Variants in NCALD observed in about 807,000 individuals in gnomAD.
The protein encoded by NCALD is neurocalcin-delta.
NCALD carries 10 observed loss-of-function variants against 18.6 expected under a neutral mutation model. The ratio of observed to expected loss-of-function variants is 0.54; its 90% CI spans 0.33 to 0.91. The LOEUF (loss-of-function observed/expected upper bound fraction) is 0.91, where lower values mean the gene tolerates loss of function less well. NCALD is among the 40% of genes least tolerant of loss of function. The probability of loss-of-function intolerance (pLI) is 0.03; values close to 1 mark genes in which losing one functional copy is unlikely to be tolerated. For missense variants in NCALD, 184 were observed against 247.6 expected, an observed-to-expected ratio of 0.74 and a Z score of 1.72; for synonymous variants, 88 against 87.4, an observed-to-expected ratio of 1.01 and a Z score of -0.04.
chr8:101,946,709 C>A (rs566036598), intron 2 of NCALD, among the ~76,000 whole-genome samples: 2 of 148,554 alleles, frequency 1.3e-5, no homozygotes, highest in Admixed American at 1.4e-4. Flanking sequence ...GGACAATGTC[C>A]CAAAGAAACC....
chr8:102,065,010 CAA>C (rs34548051), intron 1 of NCALD, among the ~76,000 whole-genome samples: 6,620 of 87,410 alleles, frequency 0.076, 176 homozygotes, highest in Non-Finnish European at 0.1. Context: ...CTCACTTTGG[CAA>C]AAAAAAAAAA....
At chr8:101,713,446 T>C (rs560909474) in intron 2 of NCALD, among the ~76,000 whole-genome samples, 1 of 141,226 alleles carries the variant, frequency 7.1e-6, no homozygotes, top group Non-Finnish European at 1.5e-5. Context: ...CTGAAGGAGA[T>C]AGAGACACAA....
At chr8:101,913,818 G>A (rs575572134) in intron 3 of NCALD, among the ~76,000 whole-genome samples, 3 of 152,298 alleles carry the variant, frequency 2.0e-5, no homozygotes, top group East Asian at 1.9e-4. Flanking sequence ...CCAACCTCAC[G>A]TGATCTGCCT....
chr8:101,863,817 C>T (rs1281625012), intron 4 of NCALD, among the ~76,000 whole-genome samples: 3 of 152,090 alleles, frequency 2.0e-5, no homozygotes, highest in African/African-American at 7.2e-5. Flanking sequence ...GGATGAAATG[C>T]AGGAGTGAGT....
intron 2 of NCALD, among the ~76,000 whole-genome samples, chr8:102,018,352 A>G (rs1354157475): frequency 1.3e-5 from 2 of 152,188 alleles, no homozygotes; most frequent in East Asian, 3.8e-4. Context: ...CCAAATCTTC[A>G]TCATTTGGGG....
chr8:101,999,612 C>A (rs141894479), intron 2 of NCALD, among the ~76,000 whole-genome samples: 3 of 151,538 alleles, frequency 2.0e-5, no homozygotes, highest in African/African-American at 7.3e-5. Flanking sequence ...GAAATCACCA[C>A]GAAAGAACTT....
chr8:101,761,299 T>A (rs1250561456), intron 1 of NCALD, among the ~76,000 whole-genome samples: 1 of 152,210 alleles, frequency 6.6e-6, no homozygotes, highest in African/African-American at 2.4e-5. Context: ...TAACGAGGCA[T>A]CCAATCATCT....
At chr8:101,991,127 T>C (rs940877005) in intron 2 of NCALD, among the ~76,000 whole-genome samples, 1 of 152,152 alleles carries the variant, frequency 6.6e-6, no homozygotes, top group East Asian at 1.9e-4. Context: ...GTAGAGGGCA[T>C]GGTGACTCAT....
At chr8:101,742,958 A>G (rs1218964961) in intron 1 of NCALD, among the ~76,000 whole-genome samples, 1 of 152,126 alleles carries the variant, frequency 6.6e-6, no homozygotes, top group Non-Finnish European at 1.5e-5. Flanking sequence ...TTTGCTGAGG[A>G]TGATGGCTTC....
chr8:102,026,885 T>C (rs1478885986), intron 1 of NCALD, among the ~76,000 whole-genome samples: 5 of 152,204 alleles, frequency 3.3e-5, no homozygotes, highest in Non-Finnish European at 7.4e-5. Flanking sequence ...ACCACAATTC[T>C]TGACTTCTGT....
At chr8:102,019,387 T>C (rs577135033) in intron 2 of NCALD, among the ~76,000 whole-genome samples, 2 of 152,256 alleles carry the variant, frequency 1.3e-5, no homozygotes, top group Middle Eastern at 6.8e-3. Flanking sequence ...AAGCTGAACA[T>C]ATGCCTGCCT....
At chr8:101,964,863 G>A (rs1185331293) in intron 2 of NCALD, among the ~76,000 whole-genome samples, 1 of 152,136 alleles carries the variant, frequency 6.6e-6, no homozygotes, top group African/African-American at 2.4e-5. Flanking sequence ...TACAGAATGG[G>A]AAACACCAAA....
intron 2 of NCALD, among the ~76,000 whole-genome samples, chr8:101,928,872 C>A (rs1818435601): frequency 6.6e-6 from 1 of 151,958 alleles, no homozygotes; most frequent in Non-Finnish European, 1.5e-5. Flanking sequence ...GTATTAGATA[C>A]AAAAACACTG....
intron 2 of NCALD, among the ~76,000 whole-genome samples, chr8:101,694,709 CCCT>C (rs1431810072): frequency 1.3e-5 from 2 of 152,122 alleles, no homozygotes; most frequent in African/African-American, 4.8e-5. Context: ...CCATCGTCTG[CCCT>C]CCTCATCATG....
At chr8:101,696,646 A>C (rs965096038) in intron 2 of NCALD, among the ~76,000 whole-genome samples, 10 of 152,232 alleles carry the variant, frequency 6.6e-5, no homozygotes, top group African/African-American at 2.2e-4. Context: ...AACGAGCAAC[A>C]AAAGATGGAA....
intron 4 of NCALD, among the ~76,000 whole-genome samples, chr8:101,869,669 T>C (rs1198296878): frequency 6.6e-6 from 1 of 152,174 alleles, no homozygotes; most frequent in African/African-American, 2.4e-5. Context: ...CACCCTAAAA[T>C]ATTAATTGAT....
At chr8:101,815,921 ACTGTGGT>A (rs1484801261) in intron 4 of NCALD, among the ~76,000 whole-genome samples, 3 of 152,306 alleles carry the variant, frequency 2.0e-5, no homozygotes, top group Admixed American at 6.5e-5. Flanking sequence ...AAGTGGATAA[ACTGTGGT>A]ACATCCAGAC....
chr8:102,068,989 A>G (rs1172287251), intron 1 of NCALD, among the ~76,000 whole-genome samples: 1 of 152,212 alleles, frequency 6.6e-6, no homozygotes, highest in Non-Finnish European at 1.5e-5. Flanking sequence ...TTAAATTCAT[A>G]GAAGTAGAGA....
chr8:101,947,019 G>A (rs1819202790), intron 2 of NCALD, among the ~76,000 whole-genome samples: 1 of 152,136 alleles, frequency 6.6e-6, no homozygotes, highest in Non-Finnish European at 1.5e-5. Flanking sequence ...GAAGAGCAGA[G>A]CTTTCAATGG....
Sources: allele counts gnomAD v4.1 joint callset (sites outside exome capture counted in the v4.1 genomes callset), GRCh38; gene constraint gnomAD v4.1.1; transcripts MANE v1.5; gene names NCBI Gene and HGNC (gene_info 2026-07-23, HGNC 2026-07-21).